Variants in ANKRD27 observed in about 807,000 individuals in gnomAD.
ANKRD27 encodes ankyrin repeat domain-containing protein 27.
A neutral mutation model predicts 129.7 loss-of-function variants in ANKRD27; 112 were observed. That is an observed-to-expected ratio of 0.86 (90% CI 0.74 to 1.01). The LOEUF is 1.01. ANKRD27 is among the 50% of genes least tolerant of loss of function. The pLI, the probability that ANKRD27 is intolerant of heterozygous loss-of-function variation, is 0.00. For missense variants in ANKRD27, 1,258 were observed against 1,300.5 expected, an observed-to-expected ratio of 0.97 and a Z score of 0.50; for synonymous variants, 516 against 511.2, an observed-to-expected ratio of 1.01 and a Z score of -0.13.
intron 3 of ANKRD27, among the ~76,000 whole-genome samples, chr19:32,648,968 GTTTTT>G (rs67248583): frequency 4.7e-5 from 6 of 126,362 alleles, no homozygotes; most frequent in Non-Finnish European, 1.0e-4. Flanking sequence ...TTTTGGGTTT[GTTTTT>G]TTTTTTTTTT....
intron 1 of ANKRD27, among the ~76,000 whole-genome samples, chr19:32,668,450 C>G (rs563935678): frequency 4.2e-4 from 63 of 151,742 alleles, no homozygotes; most frequent in South Asian, 1.2e-3. Flanking sequence ...AAGGCATAAG[C>G]CACTGTGCCC....
At chr19:32,650,153 A>G (rs954783815) in intron 2 of ANKRD27, among the ~76,000 whole-genome samples, 2 of 152,184 alleles carry the variant, frequency 1.3e-5, no homozygotes, top group Non-Finnish European at 2.9e-5. Context: ...TTAACAGCAC[A>G]GTTATAAGGA....
In ANKRD27 at chr19:32,631,609, C is replaced by T. The variant is rs143621120; in HGVS notation, c.1117-115G>A. The stretch of plus-strand genomic sequence containing the variant: ...GAGCAGTATCGGCTGCGCCTCTCTC[C>T]CGTCTCATATGGGACCTGCTCACTG... On this transcript the variant is annotated intron_variant, in intron 12 of 28. Coordinates refer to ENST00000306065, the MANE Select transcript of ANKRD27 (RefSeq NM_032139.3). 23 of 801,108 alleles carry T rather than the reference C, an allele frequency of 2.9e-5. 1 individual carries two copies. Among genetic ancestry groups the T allele is most frequent in the African/African-American group, 1.4e-4 (8 of 58,430 alleles). 49.6% of individuals were successfully genotyped at this position (801,108 alleles called of 1,614,324 possible).
intron 18 of ANKRD27, 128 bp from the exon 19 acceptor site, chr19:32,619,681 C>T (rs1971978953): frequency 2.6e-6 from 3 of 1,153,976 alleles, no homozygotes; most frequent in Non-Finnish European, 3.9e-6. Flanking sequence ...CCTTAGGTCA[C>T]GTGGCCCAGT....
intron 1 of ANKRD27, among the ~76,000 whole-genome samples, chr19:32,661,346 A>G (rs1190763576): frequency 6.6e-6 from 1 of 152,004 alleles, no homozygotes; most frequent in African/African-American, 2.4e-5. Context: ...TTATTTTGAG[A>G]CAGGGTTTCA....
intron 18 of ANKRD27, among the ~76,000 whole-genome samples, chr19:32,621,061 A>C (rs1972003743): frequency 6.6e-6 from 1 of 152,206 alleles, no homozygotes; most frequent in Admixed American, 6.5e-5. Flanking sequence ...GCCTCAATAA[A>C]GAGGTTTAGA....
At chr19:32,615,006 A>G (rs1357982641) in intron 22 of ANKRD27, among the ~76,000 whole-genome samples, 1 of 152,180 alleles carries the variant, frequency 6.6e-6, no homozygotes, top group Non-Finnish European at 1.5e-5. Context: ...CAACTGAGTA[A>G]AAGCAACAGC....
At chr19:32,648,798 CAAA>C (rs34589766) in intron 3 of ANKRD27, among the ~76,000 whole-genome samples, 3 of 100,148 alleles carry the variant, frequency 3.0e-5, no homozygotes, top group Non-Finnish European at 2.3e-5. Flanking sequence ...GATTCCATCT[CAAA>C]AAAAAAAAAA....
At chr19:32,620,869 C>T (rs987541560) in intron 18 of ANKRD27, among the ~76,000 whole-genome samples, 4 of 104,316 alleles carry the variant, frequency 3.8e-5, no homozygotes, top group Non-Finnish European at 5.3e-5. Flanking sequence ...TTGGGCAATA[C>T]AGCCAAACCT....
chr19:32,629,471 AG>A, intron 13 of ANKRD27, among the ~76,000 whole-genome samples: 1 of 152,084 alleles, frequency 6.6e-6, no homozygotes, highest in East Asian at 1.9e-4. Flanking sequence ...AGGCCAAGGC[AG>A]GTGGCTCATT....
At chr19:32,674,608 C>A (rs886960842) in intron 1 of ANKRD27, among the ~76,000 whole-genome samples, 5 of 152,178 alleles carry the variant, frequency 3.3e-5, no homozygotes, top group Admixed American at 1.3e-4. Flanking sequence ...GCCAGGGATT[C>A]CCCGCTCCGC....
intron 22 of ANKRD27, 73 bp from the exon 23 acceptor site, chr19:32,607,905 T>C (rs182342599): frequency 5.6e-5 from 81 of 1,439,004 alleles, no homozygotes; most frequent in Admixed American, 5.4e-4. Flanking sequence ...ATTGGCACCA[T>C]GTGCCCCCCA....
chr19:32,673,512 G>T, intron 1 of ANKRD27: 1 of 950,944 alleles, frequency 1.1e-6, no homozygotes, highest in Non-Finnish European at 1.3e-6. Context: ...TCAGGACCTG[G>T]CACATCTGGC....
intron 1 of ANKRD27, among the ~76,000 whole-genome samples, chr19:32,674,839 C>T (rs919755450): frequency 3.3e-5 from 5 of 152,074 alleles, no homozygotes; most frequent in African/African-American, 1.2e-4. Flanking sequence ...CTCCCCTCCT[C>T]CAGACCCGAG....
chr19:32,664,389 G>C (rs1252236028), intron 1 of ANKRD27, among the ~76,000 whole-genome samples: 2 of 150,948 alleles, frequency 1.3e-5, no homozygotes, highest in African/African-American at 4.9e-5. Flanking sequence ...CTGGGAGGCT[G>C]AGGTGGGTGG....
intron 22 of ANKRD27, among the ~76,000 whole-genome samples, chr19:32,608,933 C>G (rs1971792700): frequency 6.6e-6 from 1 of 152,134 alleles, no homozygotes; most frequent in African/African-American, 2.4e-5. Context: ...CTCCATCCAG[C>G]CTGGCTCACT....
intron 11 of ANKRD27, 56 bp downstream of exon 11, chr19:32,640,251 C>A: frequency 6.8e-7 from 1 of 1,473,932 alleles, no homozygotes; most frequent in Non-Finnish European, 9.4e-7. Flanking sequence ...GCGTGAGCCA[C>A]CGTGCCCGGC....
chr19:32,634,930 C>T (rs1336650353), intron 12 of ANKRD27, among the ~76,000 whole-genome samples: 1 of 152,086 alleles, frequency 6.6e-6, no homozygotes, highest in Non-Finnish European at 1.5e-5. Context: ...AAAAGAAAGA[C>T]TGGACTCAAA....
In ANKRD27 at chr19:32,607,166, A is replaced by AAG. The variant is rs1555739715; in HGVS notation, c.2373+468_2373+469insCT. On this transcript the variant is annotated intron_variant, in intron 23 of 28. Coordinates refer to ENST00000306065, the MANE Select transcript of ANKRD27 (RefSeq NM_032139.3). Reference sequence around the variant, plus strand: ...TCTTAAAAAAAAAAAAAAAAAAAAAAGGCAAAAAACCCCAGCACTTTCAAA... The same window carrying AAG: ...TCTTAAAAAAAAAAAAAAAAAAAAAAAGGGCAAAAAACCCCAGCACTTTCAAA... Among the ~76,000 whole-genome samples the AAG allele has an allele frequency of 1.2e-3, 127 of 104,234 alleles. 3 individuals are homozygous for AAG. Among genetic ancestry groups the AAG allele is most frequent in the East Asian group, 0.011 (37 of 3,272 alleles). 68.4% of individuals were successfully genotyped at this position (104,234 alleles called of 152,430 possible).
Sources: allele counts gnomAD v4.1 joint callset (sites outside exome capture counted in the v4.1 genomes callset), GRCh38; gene constraint gnomAD v4.1.1; transcripts MANE v1.5; gene names NCBI Gene and HGNC (gene_info 2026-07-23, HGNC 2026-07-21).